The following ULK4 variants were observed in gnomAD, a reference collection of about 807,000 sequenced individuals.
ULK4 encodes unc-51 like kinase 4, also known as inactive serine/threonine-protein kinase ULK4.
A neutral mutation model predicts 160.6 loss-of-function variants in ULK4; 133 were observed. That is an observed-to-expected ratio of 0.83 (90% CI 0.72 to 0.96). ULK4 has a LOEUF of 0.96. ULK4 is among the 40% of genes least tolerant of loss of function. The pLI is 0.00. For missense variants in ULK4, 1,580 were observed against 1,499.5 expected (o/e 1.05, Z -0.89); for synonymous variants, 534 against 539.8 (o/e 0.99, Z 0.15).
intron 31 of ULK4, among the ~76,000 whole-genome samples, chr3:41,607,829 A>G (rs960934816): frequency 2.0e-5 from 3 of 152,216 alleles, no homozygotes; most frequent in Admixed American, 6.5e-5. Context: ...CACACTTAGG[A>G]ACATGCACAC....
At chr3:41,605,770 T>G (rs2125669974) in intron 31 of ULK4, among the ~76,000 whole-genome samples, 1 of 152,122 alleles carries the variant, frequency 6.6e-6, no homozygotes, top group Non-Finnish European at 1.5e-5. Context: ...CTAATTGACA[T>G]TCATAGAACA....
intron 34 of ULK4, among the ~76,000 whole-genome samples, chr3:41,413,593 C>A (rs2082457562): frequency 6.6e-6 from 1 of 152,148 alleles, no homozygotes; most frequent in African/African-American, 2.4e-5. Context: ...AAAAAGTATT[C>A]TTTCAAACCC....
chr3:41,650,526 C>T (rs762630589), intron 30 of ULK4, among the ~76,000 whole-genome samples: 33 of 152,232 alleles, frequency 2.2e-4, no homozygotes, highest in Admixed American at 6.5e-4. Context: ...CCTCGCACAG[C>T]GCTGGCACTT....
intron 32 of ULK4, among the ~76,000 whole-genome samples, chr3:41,538,912 T>A (rs543328733): frequency 1.7e-4 from 26 of 152,166 alleles, no homozygotes; most frequent in African/African-American, 5.5e-4. Flanking sequence ...TTTTTATCTA[T>A]TTTTTATATA....
chr3:41,603,462 C>T (rs1296759795), intron 31 of ULK4, among the ~76,000 whole-genome samples: 1 of 152,062 alleles, frequency 6.6e-6, no homozygotes, highest in African/African-American at 2.4e-5. Context: ...GGCAAAGATA[C>T]AGAAGAACTC....
At chr3:41,936,012 C>T in intron 3 of ULK4, 72 bp from the exon 4 acceptor site, 1 of 1,559,926 alleles carries the variant, frequency 6.4e-7, no homozygotes, top group Non-Finnish European at 8.7e-7. Flanking sequence ...AGGTTCCACG[C>T]TGACAGATAC....
intron 22 of ULK4, among the ~76,000 whole-genome samples, chr3:41,748,798 A>T (rs1197267528): frequency 6.6e-6 from 1 of 152,210 alleles, no homozygotes; most frequent in Non-Finnish European, 1.5e-5. Flanking sequence ...AGGTATTAAT[A>T]GTATGCTATG....
At chr3:41,283,203 G>A (rs1315665754) in intron 35 of ULK4, among the ~76,000 whole-genome samples, 1 of 152,204 alleles carries the variant, frequency 6.6e-6, no homozygotes, top group Admixed American at 6.5e-5. Context: ...GTTGGTGGGA[G>A]TGTAAATTAG....
rs1491518992 is a variant in ULK4 at position 41,658,729 on chromosome 3, A to ACACACACACACACACACACACACTCT, written c.3071+4877_3071+4878insAGAGTGTGTGTGTGTGTGTGTGTGTG. On this transcript the variant is annotated intron_variant, in intron 30 of 36. Transcript: ENST00000301831. ...TGCTACTGTGTATGTGAAAAACAGTACACACACACACACACACACACACAC... is the reference window on the plus strand; with the variant it reads ...TGCTACTGTGTATGTGAAAAACAGTACACACACACACACACACACACACTCTCACACACACACACACACACACACAC... Among the ~76,000 whole-genome samples the ACACACACACACACACACACACACTCT allele has an allele frequency of 5.3e-3, 595 of 112,434 alleles. 3 individuals are homozygous for ACACACACACACACACACACACACTCT. Among genetic ancestry groups the ACACACACACACACACACACACACTCT allele is most frequent in the African/African-American group, 0.025 (561 of 22,896 alleles). The allele number at this position is 112,434 out of a possible 152,430, so 73.8% of individuals were successfully genotyped here. A position where few individuals can be genotyped will look rare whatever the true frequency, so the allele number is the denominator to read the frequency against.
chr3:41,655,930 A>T (rs1323952083), intron 30 of ULK4, among the ~76,000 whole-genome samples: 5 of 152,364 alleles, frequency 3.3e-5, no homozygotes, highest in Non-Finnish European at 1.5e-5. Flanking sequence ...ATTAAGGCAT[A>T]TAATAAATTG....
intron 31 of ULK4, among the ~76,000 whole-genome samples, chr3:41,577,980 T>C (rs995344959): frequency 1.2e-4 from 19 of 152,306 alleles, no homozygotes; most frequent in Admixed American, 3.9e-4. Flanking sequence ...ACACCTTCTT[T>C]GGCAGGTCAG....
rs2032503540 is a variant in ULK4 at position 41,608,631 on chromosome 3, A to G, written c.3120+7038T>C. 3.9e-5 allele frequency among the ~76,000 whole-genome samples: 6 copies of G among 152,306 alleles called. No homozygotes were observed. In the South Asian group the frequency reaches 1.2e-3, roughly 32 times the overall value. Reference sequence around the variant, plus strand: ...AAATGTTTTGGGAGTAGTGTGATGGAGCAATGCCTGATCACAGTAAGCCTT... The same window carrying G: ...AAATGTTTTGGGAGTAGTGTGATGGGGCAATGCCTGATCACAGTAAGCCTT... On this transcript the variant is annotated intron_variant, in intron 31 of 36. Transcript: ENST00000301831.
chr3:41,421,116 CA>C (rs757138913), intron 34 of ULK4, among the ~76,000 whole-genome samples: 4 of 105,124 alleles, frequency 3.8e-5, no homozygotes, highest in Admixed American at 8.9e-5. Flanking sequence ...GACCCCATCT[CA>C]AAAAAAAAAG....
At chr3:41,817,830 C>A (rs1168738592) in intron 19 of ULK4, among the ~76,000 whole-genome samples, 5 of 152,018 alleles carry the variant, frequency 3.3e-5, no homozygotes, top group East Asian at 1.9e-4. Context: ...AGCAAAAAAA[C>A]CAAATAACCC....
chr3:41,817,016 C>T (rs769526092), intron 19 of ULK4, among the ~76,000 whole-genome samples: 5 of 152,058 alleles, frequency 3.3e-5, no homozygotes, highest in Non-Finnish European at 5.9e-5. Flanking sequence ...AGAGGTGACA[C>T]TGCAGAGCAG....
chr3:41,709,431 G>C (rs868557134), intron 25 of ULK4, among the ~76,000 whole-genome samples: 1 of 152,160 alleles, frequency 6.6e-6, no homozygotes. Flanking sequence ...TCTGTCACCA[G>C]GCTGGAGTGC....
chr3:41,539,889 C>T (rs184309179), intron 32 of ULK4, among the ~76,000 whole-genome samples: 3 of 152,068 alleles, frequency 2.0e-5, no homozygotes, highest in Admixed American at 2.0e-4. Context: ...CACTTTTAGG[C>T]ATCTGACTCC....
At chr3:41,722,424 T>A (rs905441150) in intron 22 of ULK4, among the ~76,000 whole-genome samples, 1 of 151,846 alleles carries the variant, frequency 6.6e-6, no homozygotes, top group Non-Finnish European at 1.5e-5. Context: ...AGGTCAGGAG[T>A]TCGAGACCAG....
At chr3:41,575,015 G>A in intron 31 of ULK4, among the ~76,000 whole-genome samples, 1 of 152,182 alleles carries the variant, frequency 6.6e-6, no homozygotes, top group East Asian at 1.9e-4. Flanking sequence ...CCTGAAAGGA[G>A]GGGAAGCCAC....
Sources: gnomAD v4.1 joint callset for allele counts (sites outside exome capture counted in the v4.1 genomes callset) on GRCh38, gnomAD v4.1.1 for gene constraint, MANE v1.5 for transcripts, NCBI Gene and HGNC (gene_info 2026-07-23, HGNC 2026-07-21) for gene names.